The following CYB5R4 variants were observed in gnomAD, a reference collection of about 807,000 sequenced individuals.
CYB5R4 encodes the protein cytochrome b5 reductase 4.
A neutral mutation model predicts 70.2 loss-of-function variants in CYB5R4; 55 were observed. The ratio of observed to expected loss-of-function variants is 0.78; its 90% CI spans 0.63 to 0.98. The LOEUF is 0.98. Among genes scored for constraint, CYB5R4 ranks in the 50% least tolerant of loss-of-function variants. The probability of loss-of-function intolerance (pLI) is 0.00; values close to 1 mark genes in which losing one functional copy is unlikely to be tolerated. For missense variants in CYB5R4, 562 were observed against 612.6 expected (o/e 0.92, Z 0.87); for synonymous variants, 197 against 199.5 (o/e 0.99, Z 0.11).
chr6:83,868,463 A>G (rs200685535), intron 2 of CYB5R4, among the ~76,000 whole-genome samples: 3 of 152,346 alleles, frequency 2.0e-5, no homozygotes, highest in East Asian at 1.9e-4. Flanking sequence ...TGGGATATAA[A>G]AAATGAGCAT....
In CYB5R4 at chr6:83,961,937, A is replaced by G. The variant is rs535827324; in HGVS notation, c.*2059A>G. The G allele has an allele frequency of 1.3e-5, 2 of 151,068 alleles. No individual in the cohort carries two copies. Among genetic ancestry groups the G allele is most frequent in the Admixed American group, 6.6e-5 (1 of 15,176 alleles). The allele number at this position is 151,068 out of a possible 1,614,324, so 9.4% of individuals were successfully genotyped here. On this transcript the variant is annotated 3_prime_UTR_variant, in exon 16 of 16. Transcript: ENST00000369681. Reference sequence around the variant, plus strand: ...GTTATATTTTATTATATTTTGTTATATTTATATTTTGTTTATATTTTAAAA... The same window carrying G: ...GTTATATTTTATTATATTTTGTTATGTTTATATTTTGTTTATATTTTAAAA...
chr6:83,954,220 T>C (rs2099471969), intron 14 of CYB5R4, among the ~76,000 whole-genome samples: 1 of 152,180 alleles, frequency 6.6e-6, no homozygotes, highest in South Asian at 2.1e-4. Flanking sequence ...TAAAGAATTA[T>C]TGAGTCTTAA....
At chr6:83,891,303 T>C (rs9353150) in intron 2 of CYB5R4, among the ~76,000 whole-genome samples, 23,375 of 152,202 alleles carry the variant, frequency 0.15, 3,510 homozygotes, top group African/African-American at 0.37. Context: ...CTTGCTTTAT[T>C]TGCTTTACTG....
At chr6:83,940,419 C>T (rs563297791) in intron 13 of CYB5R4, 96 bp from the exon 14 acceptor site, 4 of 1,239,704 alleles carry the variant, frequency 3.2e-6, no homozygotes, top group East Asian at 5.4e-5. Context: ...CTACTGGGCA[C>T]TAAAACATTC....
At chr6:83,891,249 A>C (rs1035562290) in intron 2 of CYB5R4, among the ~76,000 whole-genome samples, 1 of 152,222 alleles carries the variant, frequency 6.6e-6, no homozygotes, top group Non-Finnish European at 1.5e-5. Context: ...GCCTGGCCTA[A>C]ACATAACTTT....
chr6:83,965,884 G>C lies in CYB5R4; in HGVS notation c.*6006G>C, dbSNP rs180818816. The C allele has an allele frequency of 6.6e-6, 1 of 152,238 alleles. No individual in the cohort carries two copies. The highest frequency in any genetic ancestry group is 6.5e-5 in the Admixed American group (1 of 15,274). The allele number at this position is 152,238 out of a possible 1,614,324, so 9.4% of individuals were successfully genotyped here. On this transcript the variant is annotated 3_prime_UTR_variant, in exon 16 of 16. Coordinates refer to ENST00000369681, the MANE Select transcript of CYB5R4 (RefSeq NM_016230.4). ...TGAGATCTGATGGTTTCATCAGGGG[G>C]TTCCGCTTTTGCATCTTACTCATTT...
chr6:83,917,877 A>G, intron 5 of CYB5R4, 128 bp from the exon 6 acceptor site: 1 of 700,832 alleles, frequency 1.4e-6, no homozygotes, highest in South Asian at 1.9e-5. Context: ...GTGAAAATAT[A>G]TTGAGTAGTA....
Position 83,955,180 on chromosome 6 carries a change from A to T in CYB5R4, c.1347-118A>T, listed in dbSNP as rs2099472148. 25 of 732,720 alleles carry T rather than the reference A, an allele frequency of 3.4e-5. 1 individual carries two copies. The South Asian group carries it at 7.9e-4, about 23-fold the overall frequency. The allele number at this position is 732,720 out of a possible 1,614,324, so 45.4% of individuals were successfully genotyped here. Reference sequence around the variant, plus strand: ...TTTTTCAGTGTTTTTCTAGCAAGTAAGTGTATCTTTATATATTAAATTGTT... The same window carrying T: ...TTTTTCAGTGTTTTTCTAGCAAGTATGTGTATCTTTATATATTAAATTGTT... On this transcript the variant is annotated intron_variant, in intron 14 of 15. Transcript: ENST00000369681.
Position 83,959,996 on chromosome 6 carries a change from T to C in CYB5R4, c.*118T>C. On this transcript the variant is annotated 3_prime_UTR_variant, in exon 16 of 16. Coordinates refer to ENST00000369681, the MANE Select transcript of CYB5R4 (RefSeq NM_016230.4). ...GGTTAACTAGAATCCAGCCTTCAGT[T>C]TCTTAAATGAAATCAAATGTTCCTT... The C allele has an allele frequency of 1.4e-6, 1 of 731,524 alleles. No homozygotes were observed. Among genetic ancestry groups the C allele is most frequent in the Non-Finnish European group, 2.1e-6 (1 of 478,308 alleles). 45.3% of individuals were successfully genotyped at this position (731,524 alleles called of 1,614,324 possible).
intron 2 of CYB5R4, among the ~76,000 whole-genome samples, chr6:83,874,846 T>TA (rs2099458254): frequency 6.6e-6 from 1 of 151,708 alleles, no homozygotes; most frequent in South Asian, 2.1e-4. Flanking sequence ...TTTTTTTAGA[T>TA]AGAGTCTCAC....
At chr6:83,914,838 ATT>A (rs148327073) in intron 5 of CYB5R4, among the ~76,000 whole-genome samples, 125,058 of 145,184 alleles carry the variant, frequency 0.86, 54,083 homozygotes, top group East Asian at 0.99. Context: ...CCCGGCCTAG[ATT>A]TTTTTTTTTT....
intron 2 of CYB5R4, among the ~76,000 whole-genome samples, chr6:83,881,023 GTC>G (rs1372096688): frequency 6.6e-6 from 1 of 152,110 alleles, no homozygotes; most frequent in East Asian, 1.9e-4. Flanking sequence ...CTTCAAGTAT[GTC>G]TGTTTCCCTG....
chr6:83,900,597 A>G (rs187181144), intron 3 of CYB5R4, among the ~76,000 whole-genome samples: 1 of 152,242 alleles, frequency 6.6e-6, no homozygotes, highest in Admixed American at 6.5e-5. Context: ...ACTGTGTGGG[A>G]GTCTAAGTCT....
At chr6:83,878,353 A>ATT (rs56795740) in intron 2 of CYB5R4, among the ~76,000 whole-genome samples, 15,510 of 148,022 alleles carry the variant, frequency 0.1, 1,371 homozygotes, top group East Asian at 0.26. Flanking sequence ...TGTTTTGTAA[A>ATT]TTTTTTTTTT....
In CYB5R4 at chr6:83,940,573, T is replaced by C. The variant is rs772264021; in HGVS notation, c.1318T>C (p.Leu440=). 6.2e-6 allele frequency: 10 copies of C among 1,602,122 alleles called. No individual in the cohort carries two copies. The South Asian group carries it at 1.0e-4, about 16-fold the overall frequency. ...TEDDIIWRSQ[L]EKLAFKDKRL... Reference sequence around the variant, plus strand: ...AGATGATATAATTTGGAGAAGCCAATTGGAGAAATTAGCATTTAAAGATAA... The same window carrying C: ...AGATGATATAATTTGGAGAAGCCAACTGGAGAAATTAGCATTTAAAGATAA... Residue 440 remains leucine, a synonymous_variant, in exon 14 of 16, where the codon TTG becomes CTG. Transcript: ENST00000369681.
rs936698110 is a variant in CYB5R4, at chr6:83,955,193, A to C, written c.1347-105A>C. On this transcript the variant is annotated intron_variant, in intron 14 of 15. Transcript: ENST00000369681. ...TTCTAGCAAGTAAGTGTATCTTTAT[A>C]TATTAAATTGTTCCTTTAGGGGAGA... is the stretch of plus-strand genomic sequence containing the variant. 1.5e-5 allele frequency: 13 copies of C among 874,702 alleles called. No homozygotes were observed. The Admixed American group carries it at 1.5e-4, about 10-fold the overall frequency. The allele number at this position is 874,702 out of a possible 1,614,324, so 54.2% of individuals were successfully genotyped here.
rs1229229015 is a variant in CYB5R4, at chr6:83,965,634, T to C, written c.*5756T>C. 2 of 152,144 alleles carry C rather than the reference T, an allele frequency of 1.3e-5. No homozygotes were observed. Among genetic ancestry groups the C allele is most frequent in the Non-Finnish European group, 2.9e-5 (2 of 68,034 alleles). 9.4% of individuals were successfully genotyped at this position (152,144 alleles called of 1,614,324 possible). A position where few individuals can be genotyped will look rare whatever the true frequency, so the allele number is the denominator to read the frequency against. On this transcript the variant is annotated 3_prime_UTR_variant, in exon 16 of 16. Transcript: ENST00000369681. The stretch of plus-strand genomic sequence containing the variant: ...TTAATGCTGAAATGATTTAAGACTT[T>C]GGGGTACTGTTGGGAATGCATGATT...
intron 14 of CYB5R4, among the ~76,000 whole-genome samples, chr6:83,943,815 C>T (rs1354525224): frequency 6.6e-6 from 1 of 151,778 alleles, no homozygotes; most frequent in African/African-American, 2.4e-5. Context: ...GAAGCATACA[C>T]AAGTATCCAT....
chr6:83,919,262 T>A (rs2099465986), intron 6 of CYB5R4, 135 bp from the exon 7 acceptor site: 1 of 512,384 alleles, frequency 2.0e-6, no homozygotes, highest in South Asian at 2.7e-5. Flanking sequence ...GTAAGACCAG[T>A]TTATTTAGAA....
Sources: gnomAD v4.1 joint callset for allele counts (sites outside exome capture counted in the v4.1 genomes callset) on GRCh38, gnomAD v4.1.1 for gene constraint, MANE v1.5 for transcripts, NCBI Gene and HGNC (gene_info 2026-07-23, HGNC 2026-07-21) for gene names.